RFTN1: variants seen among roughly 807,000 people sequenced by gnomAD.
The protein encoded by RFTN1 is raftlin.
RFTN1 carries 26 observed loss-of-function variants against 46.5 expected under a neutral mutation model. That is an observed-to-expected ratio of 0.56 (90% CI 0.41 to 0.78). RFTN1 has a LOEUF of 0.78. RFTN1 is among the 30% of genes least tolerant of loss of function. RFTN1 has a pLI of 0.00. For synonymous variants in RFTN1, 261 were observed against 284.2 expected, an observed-to-expected ratio of 0.92 and a Z score of 0.82; for missense variants, 693 against 718.7, an observed-to-expected ratio of 0.96 and a Z score of 0.41.
intron 2 of RFTN1, among the ~76,000 whole-genome samples, chr3:16,485,221 C>A (rs577557927): frequency 3.2e-4 from 48 of 152,000 alleles, no homozygotes; most frequent in African/African-American, 1.0e-3. Flanking sequence ...AAATGTTCAA[C>A]AGGAAAATGA....
At chr3:16,372,480 A>C (rs995127702) in intron 5 of RFTN1, among the ~76,000 whole-genome samples, 1 of 152,182 alleles carries the variant, frequency 6.6e-6, no homozygotes, top group South Asian at 2.1e-4. Flanking sequence ...GGGCCATAGC[A>C]CCACTCGCTA....
chr3:16,494,900 G>A (rs184035126), intron 1 of RFTN1, among the ~76,000 whole-genome samples: 18 of 152,216 alleles, frequency 1.2e-4, no homozygotes, highest in Admixed American at 6.5e-4. Flanking sequence ...CCCAGTGACC[G>A]CTTCCTTTTA....
rs2069778688 is a variant in RFTN1, at chr3:16,327,062, G to A, written c.1147-186C>T. 6.6e-6 allele frequency among the ~76,000 whole-genome samples: 1 copy of A among 152,196 alleles called. No homozygotes were observed. The highest frequency in any genetic ancestry group is 1.5e-5 in the Non-Finnish European group (1 of 68,032). The stretch of plus-strand genomic sequence containing the variant: ...GTTTGGAGTCAAACTGCCAACATGG[G>A]ATTTCCTTCTGGGCCCCATTTCAGT... On this transcript the variant is annotated intron_variant, in intron 7 of 9. Coordinates refer to ENST00000334133, the MANE Select transcript of RFTN1 (RefSeq NM_015150.2). The surrounding 1 kb of genome is among the most constrained non-coding windows in gnomAD (Gnocchi z 4.2).
At chr3:16,502,256 G>A (rs2076722817) in intron 1 of RFTN1, among the ~76,000 whole-genome samples, 1 of 152,046 alleles carries the variant, frequency 6.6e-6, no homozygotes, top group South Asian at 2.1e-4. Flanking sequence ...AGCTACTCGG[G>A]AGGCTGAAGA....
chr3:16,374,897 A>G lies in RFTN1; in HGVS notation c.826+2821T>C, dbSNP rs536339557. On this transcript the variant is annotated intron_variant, in intron 5 of 9. Coordinates refer to ENST00000334133, the MANE Select transcript of RFTN1 (RefSeq NM_015150.2). The surrounding 1 kb of genome is among the most constrained non-coding windows in gnomAD (Gnocchi z 5.4). ...AGGGGCAAGGAGGCGTGACGGCTGC[A>G]CCGAGCCCGCAGAGATGGGGAGGGA... Among the ~76,000 whole-genome samples, 1 of 152,240 alleles carries G rather than the reference A, an allele frequency of 6.6e-6. No homozygotes were observed. The highest frequency in any genetic ancestry group is 1.9e-4 in the East Asian group (1 of 5,176).
chr3:16,360,182 T>TG (rs1224858052), intron 6 of RFTN1, among the ~76,000 whole-genome samples: 2 of 152,184 alleles, frequency 1.3e-5, no homozygotes, highest in African/African-American at 2.4e-5. Flanking sequence ...TTCTTTTTTT[T>TG]TTTGTTTGAG....
At chr3:16,415,594 AG>A (rs977045707) in intron 3 of RFTN1, among the ~76,000 whole-genome samples, 1 of 151,868 alleles carries the variant, frequency 6.6e-6, no homozygotes, top group Non-Finnish European at 1.5e-5. Context: ...TAGCAAGAGA[AG>A]GGTTAAGAAT....
At position 16,403,790 on chromosome 3, in the gene RFTN1, T is replaced by A. The variant is rs1443345850; in HGVS notation, c.441+5585A>T. Among the ~76,000 whole-genome samples, 10 of 16,022 alleles carry A rather than the reference T, an allele frequency of 6.2e-4. 3 individuals are homozygous for A. The highest frequency in any genetic ancestry group is 2.4e-3 in the South Asian group (1 of 414). 10.5% of individuals were successfully genotyped at this position (16,022 alleles called of 152,430 possible). ...AATATATAATATATATTATATATTT[T>A]ATATATAATATATATTATATATTTT... On this transcript the variant is annotated intron_variant, in intron 4 of 9. Transcript: ENST00000334133.
intron 2 of RFTN1, among the ~76,000 whole-genome samples, chr3:16,492,086 A>C (rs965479056): frequency 6.6e-6 from 1 of 152,222 alleles, no homozygotes; most frequent in Non-Finnish European, 1.5e-5. Flanking sequence ...CACAGGGGGA[A>C]GGCATGGTCA....
Position 16,466,088 on chromosome 3 carries a change from C to G in RFTN1, c.145+27637G>C, listed in dbSNP as rs979144923. On this transcript the variant is annotated intron_variant, in intron 2 of 9. Coordinates refer to ENST00000334133, the MANE Select transcript of RFTN1 (RefSeq NM_015150.2). The surrounding 1 kb of genome is among the most constrained non-coding windows in gnomAD (Gnocchi z 5.6). Reference sequence around the variant, plus strand: ...CATGCTCTGAATTCTTCTGTGGCTCCCCAGTGCTCAATTTTGGGGTCCAAG... The same window carrying G: ...CATGCTCTGAATTCTTCTGTGGCTCGCCAGTGCTCAATTTTGGGGTCCAAG... Among the ~76,000 whole-genome samples, 2 of 152,182 alleles carry G rather than the reference C, an allele frequency of 1.3e-5. No homozygotes were observed. The highest frequency in any genetic ancestry group is 2.9e-5 in the Non-Finnish European group (2 of 68,042).
chr3:16,459,591 T>C lies in RFTN1; in HGVS notation c.146-25554A>G, dbSNP rs2075973495. The stretch of plus-strand genomic sequence containing the variant: ...TGGGTGACAGAGTGAGACCCTGTGT[T>C]TCTAAAATAATAATAATAATAAGTA... On this transcript the variant is annotated intron_variant, in intron 2 of 9. Transcript: ENST00000334133. This position sits in a 1 kb window ranked among gnomAD's most constrained non-coding sequence, Gnocchi z 4.2. Among the ~76,000 whole-genome samples the C allele has an allele frequency of 6.6e-6, 1 of 152,014 alleles. No homozygotes were observed. The highest frequency in any genetic ancestry group is 1.5e-5 in the Non-Finnish European group (1 of 68,000).
chr3:16,317,208 C>A lies in RFTN1; in HGVS notation c.1357G>T (p.Glu453Ter), dbSNP rs1255826550. 1 of 1,613,018 alleles carries A rather than the reference C, an allele frequency of 6.2e-7. No homozygotes were observed. The highest frequency in any genetic ancestry group is 8.5e-7 in the Non-Finnish European group (1 of 1,180,008). Residue 453 changes from glutamate (E) to a stop codon, truncating the protein, a stop_gained, in exon 10 of 10, where the codon GAA (glutamate) becomes TAA (stop). Coordinates refer to ENST00000334133, the MANE Select transcript of RFTN1 (RefSeq NM_015150.2). LOFTEE classifies it low-confidence loss of function (END_TRUNC). This position sits in a 1 kb window ranked among gnomAD's most constrained non-coding sequence, Gnocchi z 4.3. ...TTCCTCATCTGCCTGTTGTGCATTT[C>A]TTCTCTGGAGAATCGCCACTGAAAC... is the stretch of plus-strand genomic sequence containing the variant. The part of the protein sequence containing the change: ...SKFQWRFSRE[E>*]MHNRQMRKSK...
At position 16,346,085 on chromosome 3, in the gene RFTN1, G is replaced by C. The variant is rs1414023983; in HGVS notation, c.1146+11847C>G. 6.6e-6 allele frequency: 1 copy of C among 152,130 alleles called. No homozygotes were observed. The highest frequency in any genetic ancestry group is 1.5e-5 in the Non-Finnish European group (1 of 68,020). The allele number at this position is 152,130 out of a possible 1,614,324, so 9.4% of individuals were successfully genotyped here. A position where few individuals can be genotyped will look rare whatever the true frequency, so the allele number is the denominator to read the frequency against. ...CCTCTCCCCTCGTCAGATTGAAAAGGTTCCTATGATTTAGGGTCTTCCAGC... is the reference window on the plus strand; with the variant it reads ...CCTCTCCCCTCGTCAGATTGAAAAGCTTCCTATGATTTAGGGTCTTCCAGC... On this transcript the variant is annotated intron_variant, in intron 7 of 9. Coordinates refer to ENST00000334133, the MANE Select transcript of RFTN1 (RefSeq NM_015150.2). The surrounding 1 kb of genome is among the most constrained non-coding windows in gnomAD (Gnocchi z 4.4).
chr3:16,326,898 T>G (rs752866371), intron 7 of RFTN1, 22 bp from the exon 8 acceptor site: 1 of 1,589,212 alleles, frequency 6.3e-7, no homozygotes, highest in Non-Finnish European at 8.6e-7. Flanking sequence ...AGGCCAGCAT[T>G]AGGGCTGCTG....
Position 16,410,964 on chromosome 3 carries a change from C to T in RFTN1, c.333-1481G>A, listed in dbSNP as rs117535829. Among the ~76,000 whole-genome samples, 13 of 152,298 alleles carry T rather than the reference C, an allele frequency of 8.5e-5. No individual in the cohort carries two copies. In the East Asian group the frequency reaches 2.1e-3, roughly 25 times the overall value. ...CAGGCATAAGGCAACAAGAGTGGTA[C>T]TGCAGCTAAAGGCTGGCAGAACGTG... On this transcript the variant is annotated intron_variant, in intron 3 of 9. Coordinates refer to ENST00000334133, the MANE Select transcript of RFTN1 (RefSeq NM_015150.2). The surrounding 1 kb of genome is among the most constrained non-coding windows in gnomAD (Gnocchi z 4.6).
chr3:16,318,020 C>A (rs905891080), intron 9 of RFTN1, among the ~76,000 whole-genome samples: 7 of 152,212 alleles, frequency 4.6e-5, no homozygotes, highest in Non-Finnish European at 1.0e-4. Flanking sequence ...ATCTCAGAGG[C>A]CGCTTCCCGG....
chr3:16,453,303 A>G (rs2124911152), intron 2 of RFTN1, among the ~76,000 whole-genome samples: 1 of 152,354 alleles, frequency 6.6e-6, no homozygotes, highest in Middle Eastern at 3.4e-3. Flanking sequence ...AATGATGTCC[A>G]GAGGGATTAA....
chr3:16,481,917 G>A lies in RFTN1; in HGVS notation c.145+11808C>T, dbSNP rs2076373388. Among the ~76,000 whole-genome samples the A allele has an allele frequency of 6.6e-6, 1 of 152,144 alleles. No homozygotes were observed. The highest frequency in any genetic ancestry group is 1.5e-5 in the Non-Finnish European group (1 of 68,026). ...CGATATTGGCACACTTACAAAACTG[G>A]GACTAAGTGGCAGCCATCCACACAT... On this transcript the variant is annotated intron_variant, in intron 2 of 9. Transcript: ENST00000334133. This position sits in a 1 kb window ranked among gnomAD's most constrained non-coding sequence, Gnocchi z 5.1.
intron 1 of RFTN1, among the ~76,000 whole-genome samples, chr3:16,501,248 G>A (rs1472607005): frequency 6.6e-6 from 1 of 152,160 alleles, no homozygotes; most frequent in Non-Finnish European, 1.5e-5. Flanking sequence ...TTTAAATGTT[G>A]AAATGTTTAA....
Sources: gnomAD v4.1 joint callset for allele counts (sites outside exome capture counted in the v4.1 genomes callset) on GRCh38, gnomAD v4.1.1 for gene constraint, Gnocchi (gnomAD v3.1) non-coding constraint, MANE v1.5 for transcripts, NCBI Gene and HGNC (gene_info 2026-07-23, HGNC 2026-07-21) for gene names.